Variants in ARG2 observed in about 807,000 individuals in gnomAD.
ARG2 encodes arginase 2, also known as arginase-2, mitochondrial.
In ARG2, 21 loss-of-function variants were observed where a neutral mutation model predicts 39.4. That is an observed-to-expected ratio of 0.53 (90% CI 0.38 to 0.77). The LOEUF is 0.77. Ranked by LOEUF, ARG2 falls within the 30% of genes least tolerant of loss-of-function variation. The probability of loss-of-function intolerance (pLI) is 0.00; values close to 1 mark genes in which losing one functional copy is unlikely to be tolerated. For missense variants in ARG2, 378 were observed against 426.2 expected (o/e 0.89, Z 1.00); for synonymous variants, 150 against 156.7 (o/e 0.96, Z 0.32).
At position 67,619,981 on chromosome 14, in the gene ARG2, TC is replaced by T. The variant is rs2036790112; in HGVS notation, c.7del (p.Leu3Ter). 6.3e-7 allele frequency: 1 copy of T among 1,594,622 alleles called. No homozygotes were observed. Among genetic ancestry groups the T allele is most frequent in the Non-Finnish European group, 8.5e-7 (1 of 1,171,278 alleles). M[S>X]LRGSLSRLLQ... ...GAGATTCTCAGTGCTGCGGATCATG[TC>T]CCTAAGGGGCAGCCTCTCGCGTCTC... On this transcript the variant is annotated frameshift_variant, in exon 1 of 8. Transcript: ENST00000261783. LOFTEE classifies it high-confidence loss of function.
chr14:67,637,643 C>T (rs979626564), intron 2 of ARG2, among the ~76,000 whole-genome samples: 20 of 152,174 alleles, frequency 1.3e-4, no homozygotes, highest in African/African-American at 4.8e-4. Flanking sequence ...ACTATTGGCA[C>T]AGTGGGCATT....
intron 2 of ARG2, among the ~76,000 whole-genome samples, chr14:67,639,924 C>CAA (rs5809358): frequency 0.055 from 3,360 of 61,574 alleles, 195 homozygotes; most frequent in Admixed American, 0.12. Flanking sequence ...GACCCTGTCT[C>CAA]AAAAAAAAAA....
In ARG2 at chr14:67,651,063, C is replaced by T; in HGVS notation, c.*143C>T. The T allele has an allele frequency of 9.2e-7, 1 of 1,082,730 alleles. No individual in the cohort carries two copies. 67.1% of individuals were successfully genotyped at this position (1,082,730 alleles called of 1,614,324 possible). On this transcript the variant is annotated 3_prime_UTR_variant, in exon 8 of 8. Transcript: ENST00000261783. ...ACATTCTCACAATTGTAAAGTTTCC[C>T]CTCTATTTTGGTGACCAATACTACT...
chr14:67,631,583 A>T (rs2036919808), intron 2 of ARG2, among the ~76,000 whole-genome samples: 1 of 151,884 alleles, frequency 6.6e-6, no homozygotes, highest in African/African-American at 2.4e-5. Flanking sequence ...CTACAGGGAC[A>T]TGCCACCACA....
At chr14:67,635,574 C>T (rs2036962743) in intron 2 of ARG2, among the ~76,000 whole-genome samples, 1 of 152,184 alleles carries the variant, frequency 6.6e-6, no homozygotes, top group Non-Finnish European at 1.5e-5. Context: ...AGGAATTCGG[C>T]CGGGCACGGC....
At chr14:67,640,204 C>G (rs1245093725) in intron 2 of ARG2, among the ~76,000 whole-genome samples, 2 of 151,980 alleles carry the variant, frequency 1.3e-5, no homozygotes, top group Non-Finnish European at 2.9e-5. Context: ...ATATTTTTCT[C>G]CTCCTACCCC....
At chr14:67,645,397 A>C (rs1041685471) in intron 3 of ARG2, among the ~76,000 whole-genome samples, 5 of 152,186 alleles carry the variant, frequency 3.3e-5, no homozygotes, top group African/African-American at 1.2e-4. Context: ...ATTTGGGGAC[A>C]GGACAGCAGT....
chr14:67,640,454 G>A (rs2037017992), intron 2 of ARG2, among the ~76,000 whole-genome samples: 1 of 152,140 alleles, frequency 6.6e-6, no homozygotes, highest in South Asian at 2.1e-4. Flanking sequence ...TGGCCTCATG[G>A]CTTTTTGTTA....
chr14:67,624,909 C>G (rs962426675), intron 2 of ARG2, among the ~76,000 whole-genome samples: 3 of 152,176 alleles, frequency 2.0e-5, no homozygotes, highest in Non-Finnish European at 4.4e-5. Context: ...CTGCCTTTTC[C>G]CAGATCAGCT....
At chr14:67,626,267 A>C (rs923721816) in intron 2 of ARG2, among the ~76,000 whole-genome samples, 5 of 152,034 alleles carry the variant, frequency 3.3e-5, no homozygotes, top group Non-Finnish European at 5.9e-5. Context: ...GGAAAAAAAA[A>C]ACCACAAAAC....
intron 2 of ARG2, among the ~76,000 whole-genome samples, chr14:67,630,721 G>A (rs1048344160): frequency 1.3e-5 from 2 of 152,110 alleles, no homozygotes; most frequent in African/African-American, 2.4e-5. Flanking sequence ...TGGGATTACA[G>A]GCAGCTGCCA....
intron 2 of ARG2, among the ~76,000 whole-genome samples, chr14:67,635,791 G>A (rs2036965671): frequency 1.3e-5 from 2 of 152,184 alleles, no homozygotes; most frequent in South Asian, 4.1e-4. Context: ...GGTGGAGGTT[G>A]CAGTGAGCCA....
At chr14:67,626,929 A>G (rs2036872570) in intron 2 of ARG2, among the ~76,000 whole-genome samples, 1 of 152,230 alleles carries the variant, frequency 6.6e-6, no homozygotes, top group African/African-American at 2.4e-5. Context: ...AACATGGATG[A>G]ACCTAGAAAA....
intron 2 of ARG2, among the ~76,000 whole-genome samples, chr14:67,626,454 A>G (rs1481561429): frequency 6.6e-6 from 1 of 152,228 alleles, no homozygotes; most frequent in Non-Finnish European, 1.5e-5. Flanking sequence ...ATGTATAGTT[A>G]CTGTGTCCTC....
chr14:67,649,576 A>G (rs1228432772), intron 7 of ARG2: 2 of 152,216 alleles, frequency 1.3e-5, no homozygotes, highest in Non-Finnish European at 2.9e-5. Context: ...GTGCAGGTTT[A>G]GTCAGTGGAA....
rs944709587 is a variant in ARG2, at chr14:67,645,843, G to A, written c.522+41G>A. 5.0e-6 allele frequency: 8 copies of A among 1,604,822 alleles called. No homozygotes were observed. In the African/African-American group the frequency reaches 9.4e-5, roughly 19 times the overall value. On this transcript the variant is annotated intron_variant, in intron 4 of 7. Transcript: ENST00000261783. Reference sequence around the variant, plus strand: ...CGAAAAGAAAGGTGAATGGCTTGCAGGGTTTTGCTGGAGTTGGTCTAGTTC... The same window carrying A: ...CGAAAAGAAAGGTGAATGGCTTGCAAGGTTTTGCTGGAGTTGGTCTAGTTC...
intron 2 of ARG2, among the ~76,000 whole-genome samples, chr14:67,631,430 CTTTCTTTTTTTTT>C (rs1267690720): frequency 7.8e-6 from 1 of 128,490 alleles, no homozygotes; most frequent in African/African-American, 3.3e-5. Context: ...TCCTTTCTTT[CTTTCTTTTTTTTT>C]TTTTTTTTTT....
chr14:67,645,914 C>A, intron 4 of ARG2, 112 bp downstream of exon 4: 1 of 1,225,760 alleles, frequency 8.2e-7, no homozygotes, highest in Non-Finnish European at 1.1e-6. Context: ...ATTACCACTC[C>A]TTCATTTGTT....
chr14:67,650,288 G>A (rs1384920373), intron 7 of ARG2: 1 of 228,902 alleles, frequency 4.4e-6, no homozygotes, highest in Non-Finnish European at 8.7e-6. Flanking sequence ...TTTGGCTAGT[G>A]CAAGTGGCAG....
Sources: allele counts gnomAD v4.1 joint callset (sites outside exome capture counted in the v4.1 genomes callset), GRCh38; gene constraint gnomAD v4.1.1; transcripts MANE v1.5; gene names NCBI Gene and HGNC (gene_info 2026-07-23, HGNC 2026-07-21).